The following CUX1 variants were observed in gnomAD, a reference collection of about 807,000 sequenced individuals.
The protein encoded by CUX1 is cut like homeobox 1.
In CUX1, 31 loss-of-function variants were observed where a neutral mutation model predicts 158.8. The ratio of observed to expected loss-of-function variants is 0.20; its 90% CI spans 0.15 to 0.26. CUX1 has a LOEUF of 0.26. CUX1 is among the 10% of genes least tolerant of loss of function. The pLI, the probability that CUX1 is intolerant of heterozygous loss-of-function variation, is 1.00. For missense variants in CUX1, 1,589 were observed against 2,014.6 expected, an observed-to-expected ratio of 0.79 and a Z score of 4.04; for synonymous variants, 879 against 862.1, an observed-to-expected ratio of 1.02 and a Z score of -0.34.
At chr7:101,997,827 C>T (rs893388426) in intron 2 of CUX1, among the ~76,000 whole-genome samples, 1 of 151,786 alleles carries the variant, frequency 6.6e-6, no homozygotes, top group East Asian at 1.9e-4. Flanking sequence ...CCTCTCTTCT[C>T]ATCAATGTTA....
chr7:102,205,930 T>C (rs73412026), intron 20 of CUX1, among the ~76,000 whole-genome samples: 10,281 of 152,190 alleles, frequency 0.068, 410 homozygotes, highest in African/African-American at 0.087. Flanking sequence ...GGAGCTGAGC[T>C]TTTCACAGCC....
chr7:102,128,101 G>A lies in CUX1; in HGVS notation c.674+12828G>A, dbSNP rs143496227. On this transcript the variant is annotated intron_variant, in intron 8 of 23. Coordinates refer to ENST00000292535, the MANE Select transcript of CUX1 (RefSeq NM_181552.4). ...GATCGGCCCACTTCAGCCTCCAGAA[G>A]GGCTGGGATTACAGGCGTGAGCCAC... Among the ~76,000 whole-genome samples the A allele has an allele frequency of 7.9e-5, 12 of 152,254 alleles. No individual in the cohort carries two copies. In the East Asian group the frequency reaches 2.3e-3, roughly 29 times the overall value.
At chr7:102,190,323 G>C (rs1299696279) in intron 12 of CUX1, among the ~76,000 whole-genome samples, 1 of 152,182 alleles carries the variant, frequency 6.6e-6, no homozygotes, top group Non-Finnish European at 1.5e-5. Context: ...TGAGGCTGTA[G>C]CCGAAAGCTT....
chr7:102,041,648 A>C (rs1334076353), intron 3 of CUX1, among the ~76,000 whole-genome samples: 1 of 146,052 alleles, frequency 6.8e-6, no homozygotes, highest in Non-Finnish European at 1.5e-5. Context: ...ATAGGGCTTC[A>C]TTTATATCTC....
intron 2 of CUX1, among the ~76,000 whole-genome samples, chr7:101,981,238 A>C (rs897731435): frequency 6.6e-6 from 1 of 151,814 alleles, no homozygotes; most frequent in African/African-American, 2.4e-5. Flanking sequence ...CCCTTGCAGG[A>C]CGTTTTCTAC....
intron 1 of CUX1, among the ~76,000 whole-genome samples, chr7:101,891,422 A>G (rs1163262666): frequency 6.6e-6 from 1 of 152,122 alleles, no homozygotes; most frequent in Non-Finnish European, 1.5e-5. Flanking sequence ...CCTCATAAGT[A>G]GTTGTTTCCC....
chr7:102,170,862 T>C (rs1041905108), intron 10 of CUX1, among the ~76,000 whole-genome samples: 76 of 151,214 alleles, frequency 5.0e-4, no homozygotes, highest in Admixed American at 1.8e-3. Context: ...GTGTGATCGC[T>C]GGCATGCGGG....
chr7:102,145,747 G>A (rs1834961267), intron 8 of CUX1, among the ~76,000 whole-genome samples: 1 of 152,110 alleles, frequency 6.6e-6, no homozygotes, highest in Non-Finnish European at 1.5e-5. Context: ...AGGAGTTCAA[G>A]ACCAGCCTGA....
chr7:102,091,361 C>T lies in CUX1; in HGVS notation c.269-6003C>T, dbSNP rs1347855960. ...TCTCTCTGTTTTGAGGACAGGGTCT[C>T]GCTCTGTTGCTGAGGCTGGAGTACA... On this transcript the variant is annotated intron_variant, in intron 4 of 23. Transcript: ENST00000292535. Among the ~76,000 whole-genome samples, 5 of 151,998 alleles carry T rather than the reference C, an allele frequency of 3.3e-5. No individual in the cohort carries two copies. In the South Asian group the frequency reaches 6.2e-4, roughly 19 times the overall value.
chr7:102,271,344 G>A (rs564010015), intron 14 of CUX1, among the ~76,000 whole-genome samples: 1 of 152,048 alleles, frequency 6.6e-6, no homozygotes, highest in Non-Finnish European at 1.5e-5. Context: ...CCCCTCCCTT[G>A]GTCCAGGACC....
intron 1 of CUX1, among the ~76,000 whole-genome samples, chr7:101,833,719 T>C (rs1794314628): frequency 6.6e-6 from 1 of 152,078 alleles, no homozygotes; most frequent in Admixed American, 6.6e-5. Flanking sequence ...AGTCCAGGGC[T>C]CTGGGACCTG....
chr7:102,003,585 C>T (rs898259386), intron 2 of CUX1, among the ~76,000 whole-genome samples: 8 of 152,098 alleles, frequency 5.3e-5, no homozygotes, highest in Admixed American at 1.3e-4. Flanking sequence ...GGGCTCTCCC[C>T]GGGGTCAGGG....
chr7:102,023,562 C>T (rs1445929992), intron 2 of CUX1, among the ~76,000 whole-genome samples: 1 of 152,144 alleles, frequency 6.6e-6, no homozygotes, highest in African/African-American at 2.4e-5. Flanking sequence ...CCTCAACCAC[C>T]CGGGTTGAGG....
At chr7:102,005,225 G>A (rs1324023437) in intron 2 of CUX1, among the ~76,000 whole-genome samples, 1 of 152,200 alleles carries the variant, frequency 6.6e-6, no homozygotes, top group Admixed American at 6.5e-5. Context: ...CTCTAGAGAT[G>A]CATTAAAAAA....
At chr7:102,156,347 C>G (rs1395271795) in intron 8 of CUX1, among the ~76,000 whole-genome samples, 2 of 152,142 alleles carry the variant, frequency 1.3e-5, no homozygotes, top group African/African-American at 4.8e-5. Context: ...GCGAGGGCTT[C>G]CATGCTGCAT....
At chr7:101,817,418 G>A (rs1791974452), upstream of CUX1, 1 of 984,518 alleles carries the variant, frequency 1.0e-6, no homozygotes, top group Non-Finnish European at 1.2e-6. The surrounding 1 kb of genome is among the most constrained non-coding windows in gnomAD (Gnocchi z 4.1). Context: ...GGCCCGTTGG[G>A]ACCGTGGCAT....
At position 101,847,636 on chromosome 7, in the gene CUX1, G is replaced by T. The variant is rs1795833590; in HGVS notation, c.30+29967G>T. ...TTTTTATTTTTATTTTAGAGATGGG[G>T]TCTTGCTGTGTTGCCCAGGCTGGTC... On this transcript the variant is annotated intron_variant, in intron 1 of 23. Coordinates refer to ENST00000292535, the MANE Select transcript of CUX1 (RefSeq NM_181552.4). 3.3e-5 allele frequency among the ~76,000 whole-genome samples: 5 copies of T among 152,132 alleles called. No individual in the cohort carries two copies. In the South Asian group the frequency reaches 1.0e-3, roughly 32 times the overall value.
chr7:101,892,398 G>A (rs1223699660), intron 1 of CUX1, among the ~76,000 whole-genome samples: 2 of 152,148 alleles, frequency 1.3e-5, no homozygotes, highest in Admixed American at 6.6e-5. Flanking sequence ...GTATCCCAAA[G>A]TGTCTTCTGG....
intron 1 of CUX1, among the ~76,000 whole-genome samples, chr7:101,831,502 G>A (rs1042905726): frequency 1.3e-5 from 2 of 152,136 alleles, no homozygotes; most frequent in Admixed American, 1.3e-4. Flanking sequence ...ATGTTGGCCT[G>A]GCTGGTCTCG....
Sources: gnomAD v4.1 joint callset for allele counts (sites outside exome capture counted in the v4.1 genomes callset) on GRCh38, gnomAD v4.1.1 for gene constraint, Gnocchi (gnomAD v3.1) non-coding constraint, MANE v1.5 for transcripts, NCBI Gene and HGNC (gene_info 2026-07-23, HGNC 2026-07-21) for gene names.